STUM: variants seen among roughly 807,000 people sequenced by gnomAD.
The protein encoded by STUM is protein stum homolog.
STUM carries 8 observed loss-of-function variants against 15.3 expected under a neutral mutation model. The observed-to-expected ratio is 0.52, with a 90% CI of 0.31 to 0.94. The LOEUF is 0.94. Ranked by LOEUF, STUM falls within the 40% of genes least tolerant of loss-of-function variation. STUM has a pLI of 0.05. For missense variants in STUM, 142 were observed against 204.9 expected, an observed-to-expected ratio of 0.69 and a Z score of 1.87; for synonymous variants, 78 against 88.7, an observed-to-expected ratio of 0.88 and a Z score of 0.68.
chr1:226,558,387 G>C (rs1326523420), intron 1 of STUM, among the ~76,000 whole-genome samples: 1 of 152,158 alleles, frequency 6.6e-6, no homozygotes, highest in Non-Finnish European at 1.5e-5. Context: ...GGGTGGACAG[G>C]GTGACTAACA....
intron 2 of STUM, among the ~76,000 whole-genome samples, chr1:226,599,013 G>A (rs987696740): frequency 2.0e-5 from 3 of 152,156 alleles, no homozygotes; most frequent in Non-Finnish European, 4.4e-5. Context: ...ATGGCAGCAG[G>A]CAAAGAGAGT....
chr1:226,548,792 G>A lies in STUM; in HGVS notation c.-113G>A, dbSNP rs903991600. On this transcript the variant is annotated 5_prime_UTR_variant, in exon 1 of 4. Coordinates refer to ENST00000366788, the MANE Select transcript of STUM (RefSeq NM_001003665.4). Reference sequence around the variant, plus strand: ...AGCCGCGCGGCGCACGGAGCACGGCGGCCGCCTGAGCTCGGCGCGGAGCCC... The same window carrying A: ...AGCCGCGCGGCGCACGGAGCACGGCAGCCGCCTGAGCTCGGCGCGGAGCCC... 6.8e-6 allele frequency: 6 copies of A among 879,216 alleles called. No individual in the cohort carries two copies. Among genetic ancestry groups the A allele is most frequent in the African/African-American group, 1.8e-5 (1 of 56,420 alleles). 54.5% of individuals were successfully genotyped at this position (879,216 alleles called of 1,614,324 possible).
intron 1 of STUM, among the ~76,000 whole-genome samples, chr1:226,570,356 G>A (rs548252280): frequency 3.5e-4 from 54 of 152,290 alleles, no homozygotes; most frequent in African/African-American, 1.3e-3. Context: ...TTAGCAACAG[G>A]GATCATCCAA....
chr1:226,575,186 C>T (rs1371729099), intron 1 of STUM, among the ~76,000 whole-genome samples: 3 of 152,218 alleles, frequency 2.0e-5, no homozygotes, highest in Non-Finnish European at 2.9e-5. Context: ...AGTCGCCTGA[C>T]CACTGCTCTG....
chr1:226,598,583 C>T (rs1373042447), intron 2 of STUM, among the ~76,000 whole-genome samples: 2 of 152,212 alleles, frequency 1.3e-5, no homozygotes, highest in Non-Finnish European at 2.9e-5. Context: ...TTCATCATGC[C>T]TAGATGAGGC....
chr1:226,589,162 T>G (rs1479288547), intron 1 of STUM, among the ~76,000 whole-genome samples: 2 of 152,096 alleles, frequency 1.3e-5, no homozygotes, highest in Admixed American at 1.3e-4. Context: ...AGATCCCCTC[T>G]CCAGACCCAG....
At chr1:226,578,961 A>G (rs1330703819) in intron 1 of STUM, among the ~76,000 whole-genome samples, 1 of 152,214 alleles carries the variant, frequency 6.6e-6, no homozygotes, top group Non-Finnish European at 1.5e-5. Flanking sequence ...TTGGGGAGCT[A>G]AAAGTTCATA....
chr1:226,572,084 G>C (rs557288414), intron 1 of STUM, among the ~76,000 whole-genome samples: 1 of 152,152 alleles, frequency 6.6e-6, no homozygotes, highest in Admixed American at 6.5e-5. Flanking sequence ...AGACACTGTC[G>C]AACAAGCACA....
intron 1 of STUM, among the ~76,000 whole-genome samples, chr1:226,577,396 A>T (rs1402049340): frequency 6.6e-6 from 1 of 152,116 alleles, no homozygotes; most frequent in Admixed American, 6.5e-5. Context: ...ACAGCTCGAG[A>T]CCATGGAGAA....
At chr1:226,590,326 T>C (rs1398300087) in intron 1 of STUM, among the ~76,000 whole-genome samples, 2 of 152,170 alleles carry the variant, frequency 1.3e-5, no homozygotes, top group Non-Finnish European at 2.9e-5. Flanking sequence ...CCCGACTCCC[T>C]GTAGAGCCAC....
At chr1:226,571,964 A>G (rs2102695524) in intron 1 of STUM, among the ~76,000 whole-genome samples, 1 of 151,986 alleles carries the variant, frequency 6.6e-6, no homozygotes, top group Middle Eastern at 3.4e-3. Context: ...TTATTCTCCT[A>G]CTTCGCACTT....
In STUM at chr1:226,606,054, G is replaced by A. The variant is rs1668351489; in HGVS notation, c.*4014G>A. On this transcript the variant is annotated 3_prime_UTR_variant, in exon 4 of 4. Transcript: ENST00000366788. The stretch of plus-strand genomic sequence containing the variant: ...CTGCAGAAAGAAAAAAAGCCACATG[G>A]TTAACTTTTCCCCTGGAGGGCAAAG... The A allele has an allele frequency of 6.6e-6, 1 of 152,284 alleles. No homozygotes were observed. The allele number at this position is 152,284 out of a possible 1,614,324, so 9.4% of individuals were successfully genotyped here. A position where few individuals can be genotyped will look rare whatever the true frequency, so the allele number is the denominator to read the frequency against.
intron 1 of STUM, among the ~76,000 whole-genome samples, chr1:226,554,532 CAA>C (rs1044660331): frequency 3.3e-5 from 5 of 152,180 alleles, no homozygotes; most frequent in African/African-American, 7.2e-5. Flanking sequence ...CATCTGGAAA[CAA>C]GAGTAAAAGT....
At chr1:226,574,598 C>G (rs2102697133) in intron 1 of STUM, among the ~76,000 whole-genome samples, 1 of 152,290 alleles carries the variant, frequency 6.6e-6, no homozygotes, top group East Asian at 1.9e-4. Flanking sequence ...CAAGGTCAGT[C>G]CCACCCAAAT....
rs1667383716 is a variant in STUM, at chr1:226,552,163, A to C, written c.202+3057A>C. 6.6e-6 allele frequency among the ~76,000 whole-genome samples: 1 copy of C among 152,102 alleles called. No individual in the cohort carries two copies. Among genetic ancestry groups the C allele is most frequent in the East Asian group, 1.9e-4 (1 of 5,184 alleles). ...GCTGTGGAGAAGCCCCATCCTTAAA[A>C]TTCCCCAGTGCCTTCTCCACCCAAG... On this transcript the variant is annotated intron_variant, in intron 1 of 3. Transcript: ENST00000366788. This position sits in a 1 kb window ranked among gnomAD's most constrained non-coding sequence, Gnocchi z 4.7.
chr1:226,582,033 C>T (rs1667925867), intron 1 of STUM, among the ~76,000 whole-genome samples: 1 of 152,214 alleles, frequency 6.6e-6, no homozygotes, highest in Non-Finnish European at 1.5e-5. Flanking sequence ...TCTTCCAGCT[C>T]TCCCTCACTT....
rs1008105274 is a variant in STUM, at chr1:226,567,583, A to T, written c.202+18477A>T. Among the ~76,000 whole-genome samples the T allele has an allele frequency of 6.6e-6, 1 of 152,236 alleles. No individual in the cohort carries two copies. Among genetic ancestry groups the T allele is most frequent in the Non-Finnish European group, 1.5e-5 (1 of 68,040 alleles). ...GGCTCACAAACAGGGGCTTGCCAGTAAACTTTATTTCCCAGAGAATGAGCT... is the reference window on the plus strand; with the variant it reads ...GGCTCACAAACAGGGGCTTGCCAGTTAACTTTATTTCCCAGAGAATGAGCT... On this transcript the variant is annotated intron_variant, in intron 1 of 3. Transcript: ENST00000366788. This position sits in a 1 kb window ranked among gnomAD's most constrained non-coding sequence, Gnocchi z 4.5.
intron 1 of STUM, among the ~76,000 whole-genome samples, chr1:226,578,525 C>G (rs188993507): frequency 2.6e-5 from 4 of 151,256 alleles, no homozygotes; most frequent in Admixed American, 2.0e-4. Flanking sequence ...ACCACCATGC[C>G]TGGCTAATTT....
rs1668350200 is a variant in STUM at position 226,605,980 on chromosome 1, C to G, written c.*3940C>G. 1 of 152,354 alleles carries G rather than the reference C, an allele frequency of 6.6e-6. No homozygotes were observed. The highest frequency in any genetic ancestry group is 1.5e-5 in the Non-Finnish European group (1 of 68,060). 9.4% of individuals were successfully genotyped at this position (152,354 alleles called of 1,614,324 possible). On this transcript the variant is annotated 3_prime_UTR_variant, in exon 4 of 4. Transcript: ENST00000366788. This position sits in a 1 kb window ranked among gnomAD's most constrained non-coding sequence, Gnocchi z 4.0. ...GGTGTGAGATGAACTCCGCCTCATG[C>G]AGGATGCCCAGGGCTCGGAAGCAGT...
Sources: gnomAD v4.1 joint callset for allele counts (sites outside exome capture counted in the v4.1 genomes callset) on GRCh38, gnomAD v4.1.1 for gene constraint, Gnocchi (gnomAD v3.1) non-coding constraint, MANE v1.5 for transcripts, NCBI Gene and HGNC (gene_info 2026-07-23, HGNC 2026-07-21) for gene names.